GPC5: variants seen among roughly 807,000 people sequenced by gnomAD.
GPC5 encodes glypican-5.
GPC5 carries 47 observed loss-of-function variants against 53.9 expected under a neutral mutation model. That is an observed-to-expected ratio of 0.87 (90% confidence interval 0.69 to 1.11). The LOEUF (loss-of-function observed/expected upper bound fraction) is 1.11, where lower values mean the gene tolerates loss of function less well. Ranked by LOEUF, GPC5 falls within the 50% of genes most tolerant of loss-of-function variation. The pLI is 0.00. For synonymous variants in GPC5, 286 were observed against 263.3 expected, an observed-to-expected ratio of 1.09 and a Z score of -0.84; for missense variants, 748 against 713.1, an observed-to-expected ratio of 1.05 and a Z score of -0.56.
At chr13:91,594,979 T>TA (rs1192896099) in intron 2 of GPC5, among the ~76,000 whole-genome samples, 1 of 149,282 alleles carries the variant, frequency 6.7e-6, no homozygotes, top group African/African-American at 2.5e-5. Context: ...CTTATTTTTT[T>TA]ATTTACATTT....
chr13:91,971,453 G>A (rs1566370881), intron 6 of GPC5, among the ~76,000 whole-genome samples: 1 of 152,118 alleles, frequency 6.6e-6, no homozygotes, highest in African/African-American at 2.4e-5. Context: ...GAGATTTTGT[G>A]TCTCTGTTTC....
chr13:92,815,272 C>T (rs373681895), intron 7 of GPC5, among the ~76,000 whole-genome samples: 4 of 152,000 alleles, frequency 2.6e-5, no homozygotes, highest in African/African-American at 9.7e-5. Context: ...CAAAGAAAGA[C>T]TCCATGAAGA....
chr13:92,595,731 G>A (rs1425411506), intron 7 of GPC5, among the ~76,000 whole-genome samples: 1 of 130,096 alleles, frequency 7.7e-6, no homozygotes, highest in Admixed American at 9.2e-5. Context: ...TCGCGCCACT[G>A]CACTCCAGCC....
chr13:92,830,320 T>C (rs776622770), intron 7 of GPC5, among the ~76,000 whole-genome samples: 5 of 152,152 alleles, frequency 3.3e-5, no homozygotes, highest in African/African-American at 4.8e-5. Context: ...TATCCTTGGA[T>C]CCTACAAAAT....
At chr13:91,694,537 A>G (rs1394087330) in intron 3 of GPC5, among the ~76,000 whole-genome samples, 4 of 152,338 alleles carry the variant, frequency 2.6e-5, no homozygotes, top group South Asian at 4.1e-4. Context: ...CACAATCATC[A>G]AATCAAAACA....
At chr13:92,474,188 A>T (rs536830993) in intron 7 of GPC5, among the ~76,000 whole-genome samples, 1 of 151,574 alleles carries the variant, frequency 6.6e-6, no homozygotes, top group African/African-American at 2.4e-5. Context: ...TCCTTTTGTC[A>T]AATTATCTAG....
intron 5 of GPC5, among the ~76,000 whole-genome samples, chr13:91,894,587 A>G (rs1289425696): frequency 6.6e-6 from 1 of 152,112 alleles, no homozygotes; most frequent in African/African-American, 2.4e-5. Context: ...CAATCCTATA[A>G]ATCTTGTCAA....
chr13:91,774,075 C>A (rs180716138), intron 5 of GPC5, among the ~76,000 whole-genome samples: 14 of 152,274 alleles, frequency 9.2e-5, no homozygotes, highest in Admixed American at 3.9e-4. Context: ...GGATTACAAA[C>A]TGTTCAGCTT....
intron 5 of GPC5, among the ~76,000 whole-genome samples, chr13:91,904,418 A>G (rs1375275968): frequency 6.6e-6 from 1 of 151,824 alleles, no homozygotes; most frequent in Non-Finnish European, 1.5e-5. Flanking sequence ...GTAATTAGAG[A>G]AAAAAATAAC....
At chr13:92,112,250 G>T (rs1353515055) in intron 6 of GPC5, among the ~76,000 whole-genome samples, 1 of 151,874 alleles carries the variant, frequency 6.6e-6, no homozygotes, top group Admixed American at 6.6e-5. Context: ...CAGCCTATAA[G>T]GCATAACTGA....
At chr13:92,651,764 C>G (rs996948790) in intron 7 of GPC5, among the ~76,000 whole-genome samples, 1 of 152,006 alleles carries the variant, frequency 6.6e-6, no homozygotes, top group African/African-American at 2.4e-5. Flanking sequence ...AGTCTCTGTA[C>G]TATCTTAGTA....
intron 6 of GPC5, among the ~76,000 whole-genome samples, chr13:92,058,487 A>G (rs1368086455): frequency 6.6e-6 from 1 of 152,216 alleles, no homozygotes; most frequent in Non-Finnish European, 1.5e-5. Context: ...TTTTTAACCA[A>G]CATTTACATT....
chr13:92,736,431 C>T (rs1335445437), intron 7 of GPC5, among the ~76,000 whole-genome samples: 1 of 151,934 alleles, frequency 6.6e-6, no homozygotes, highest in Non-Finnish European at 1.5e-5. Flanking sequence ...TTCATTAAGT[C>T]CTTGCAATAA....
intron 7 of GPC5, among the ~76,000 whole-genome samples, chr13:92,801,827 A>G (rs1452790769): frequency 6.6e-6 from 1 of 151,888 alleles, no homozygotes; most frequent in African/African-American, 2.4e-5. Flanking sequence ...GAATAAGGAT[A>G]TAAAGGAAAT....
At chr13:92,538,968 C>T (rs1379510707) in intron 7 of GPC5, among the ~76,000 whole-genome samples, 3 of 77,216 alleles carry the variant, frequency 3.9e-5, no homozygotes, top group Non-Finnish European at 7.7e-5. Context: ...ATATATATAC[C>T]TTGTATATAT....
intron 7 of GPC5, among the ~76,000 whole-genome samples, chr13:92,464,686 TA>T (rs1323623483): frequency 2.0e-5 from 3 of 151,994 alleles, no homozygotes; most frequent in Non-Finnish European, 4.4e-5. Flanking sequence ...TTGCATAATA[TA>T]TTGAACATAT....
At chr13:92,829,700 A>G (rs1180018339) in intron 7 of GPC5, among the ~76,000 whole-genome samples, 1 of 152,186 alleles carries the variant, frequency 6.6e-6, no homozygotes, top group Non-Finnish European at 1.5e-5. Flanking sequence ...AAAAAAGTGT[A>G]TATAAAATAT....
rs905484927 is a variant in GPC5, at chr13:91,448,904, A to G, written c.307A>G (p.Asn103Asp). The change falls in exon 2 of 8, where the codon AAT (asparagine) becomes GAT (aspartate). Residue 103 changes from asparagine (N) to aspartate (D), a missense_variant. Physicochemically the swap from Asn to Asp is conservative, Grantham distance 23 (BLOSUM62 1). Transcript: ENST00000377067. ...TACATTAAAGTTTCTAATATCTCGA[A>G]ATGCGGCTGCTTTTCAAGGTAAGTG... ...SSTLKFLISR[N>D]AAAFQETLET... The G allele has an allele frequency of 3.5e-5, 56 of 1,612,896 alleles. 2 individuals carry two copies. Among genetic ancestry groups the G allele is most frequent in the Non-Finnish European group, 1.7e-6 (2 of 1,179,502 alleles).
chr13:91,957,416 T>C (rs1295052143), intron 6 of GPC5, among the ~76,000 whole-genome samples: 1 of 152,100 alleles, frequency 6.6e-6, no homozygotes, highest in Non-Finnish European at 1.5e-5. Context: ...AATGAAATAA[T>C]AGCTGAAAAT....
Sources: allele counts gnomAD v4.1 joint callset (sites outside exome capture counted in the v4.1 genomes callset), GRCh38; gene constraint gnomAD v4.1.1; transcripts MANE v1.5; gene names NCBI Gene and HGNC (gene_info 2026-07-23, HGNC 2026-07-21).